The following DLC1 variants were observed in gnomAD, a reference collection of about 807,000 sequenced individuals.
DLC1 encodes the protein rho GTPase-activating protein 7.
DLC1 carries 54 observed loss-of-function variants against 140.3 expected under a neutral mutation model. The observed-to-expected ratio is 0.38, with a 90% CI of 0.31 to 0.48. DLC1 has a LOEUF of 0.48. DLC1 is among the 20% of genes least tolerant of loss of function. The pLI is 0.96. For missense variants in DLC1, 2,536 were observed against 1,907.0 expected, an observed-to-expected ratio of 1.33 and a Z score of -6.14; for synonymous variants, 986 against 728.1, an observed-to-expected ratio of 1.35 and a Z score of -5.70.
chr8:13,233,697 T>C (rs531338387), intron 5 of DLC1, among the ~76,000 whole-genome samples: 3 of 152,222 alleles, frequency 2.0e-5, no homozygotes. Context: ...TTTAAACACA[T>C]GAATGAAAGT....
chr8:13,419,425 G>T (rs182102544), intron 2 of DLC1, among the ~76,000 whole-genome samples: 4 of 152,226 alleles, frequency 2.6e-5, no homozygotes, highest in Non-Finnish European at 5.9e-5. Context: ...TTAGCATGAA[G>T]GTTGTTGAAT....
intron 6 of DLC1, among the ~76,000 whole-genome samples, chr8:13,112,880 T>C (rs1348572233): frequency 2.0e-5 from 3 of 152,094 alleles, no homozygotes; most frequent in African/African-American, 7.2e-5. Context: ...CAAGATGAAA[T>C]AACAGAGCTG....
chr8:13,534,431 T>C (rs1803202033), intron 1 of DLC1, among the ~76,000 whole-genome samples: 1 of 152,198 alleles, frequency 6.6e-6, no homozygotes, highest in African/African-American at 2.4e-5. Flanking sequence ...TTTGGGTTTT[T>C]CAAGTTATAT....
chr8:13,416,736 G>T lies in DLC1; in HGVS notation c.1024-15117C>A, dbSNP rs150666543. Among the ~76,000 whole-genome samples the T allele has an allele frequency of 2.6e-5, 4 of 152,258 alleles. No homozygotes were observed. The East Asian group carries it at 7.7e-4, about 29-fold the overall frequency. ...TTCTAGTATAGTGAATACCTGATTA[G>T]AACAATTAATTACTTAAATGTAGAT... On this transcript the variant is annotated intron_variant, in intron 2 of 17. Transcript: ENST00000276297.
chr8:13,091,198 T>G, intron 14 of DLC1, 120 bp downstream of exon 14: 1 of 789,704 alleles, frequency 1.3e-6, no homozygotes, highest in East Asian at 2.6e-5. Flanking sequence ...CTCAGGCTAT[T>G]TATACCGTCT....
intron 5 of DLC1, among the ~76,000 whole-genome samples, chr8:13,148,889 T>C (rs1290276901): frequency 6.6e-6 from 1 of 152,070 alleles, no homozygotes; most frequent in Non-Finnish European, 1.5e-5. Flanking sequence ...GCCTCCCAGG[T>C]TCACACCATT....
intron 1 of DLC1, among the ~76,000 whole-genome samples, chr8:13,571,361 C>T (rs1804647464): frequency 1.3e-5 from 2 of 152,146 alleles, no homozygotes; most frequent in African/African-American, 4.8e-5. Flanking sequence ...TCAGCAATAA[C>T]TCCCCATTCT....
intron 5 of DLC1, among the ~76,000 whole-genome samples, chr8:13,215,417 C>T (rs1828146994): frequency 6.6e-6 from 1 of 152,192 alleles, no homozygotes; most frequent in Non-Finnish European, 1.5e-5. Flanking sequence ...GAAACCCCAT[C>T]TCTACTAAAA....
chr8:13,417,958 T>C (rs1033538562), intron 2 of DLC1, among the ~76,000 whole-genome samples: 8 of 152,250 alleles, frequency 5.3e-5, no homozygotes, highest in Non-Finnish European at 1.2e-4. Flanking sequence ...ATTTCTCTGA[T>C]GGCCAGTGAT....
chr8:13,213,997 C>G (rs1482434740), intron 5 of DLC1, among the ~76,000 whole-genome samples: 1 of 151,970 alleles, frequency 6.6e-6, no homozygotes, highest in Non-Finnish European at 1.5e-5. Context: ...TTGGCCAGGC[C>G]GCTCTCGAAC....
intron 10 of DLC1, 24 bp downstream of exon 10, chr8:13,098,375 T>G: frequency 1.2e-6 from 2 of 1,612,838 alleles, no homozygotes; most frequent in Non-Finnish European, 1.7e-6. Flanking sequence ...TCAACGACAG[T>G]TGACTGATCA....
rs751374855 is a variant in DLC1, at chr8:13,099,984, A to C, written c.2353T>G (p.Ser785Ala). ...TGCTCCACCACGTTGTTAAATGTTGACTGATTGAAAGGATCGAAGCCCTCT... is the reference window on the plus strand; with the variant it reads ...TGCTCCACCACGTTGTTAAATGTTGCCTGATTGAAAGGATCGAAGCCCTCT... ...YLEGFDPFNQSTFNNVVEQNF... is the reference protein window; with the variant it reads ...YLEGFDPFNQATFNNVVEQNF... Residue 785 changes from serine (S) to alanine (A), a missense_variant, in exon 9 of 18, where the codon TCA (serine) becomes GCA (alanine). Coordinates refer to ENST00000276297, the MANE Select transcript of DLC1 (RefSeq NM_182643.3). The C allele has an allele frequency of 1.1e-5, 17 of 1,612,498 alleles. No individual in the cohort carries two copies. Among genetic ancestry groups the C allele is most frequent in the Admixed American group, 1.0e-4 (6 of 60,000 alleles).
At chr8:13,388,400 C>A (rs1478989541) in intron 4 of DLC1, among the ~76,000 whole-genome samples, 1 of 151,996 alleles carries the variant, frequency 6.6e-6, no homozygotes, top group Non-Finnish European at 1.5e-5. Flanking sequence ...AAACTCCTAT[C>A]CCAGACACAA....
At chr8:13,178,651 GT>G (rs35235319) in intron 5 of DLC1, among the ~76,000 whole-genome samples, 16,846 of 145,194 alleles carry the variant, frequency 0.12, 2,057 homozygotes, top group African/African-American at 0.31. Flanking sequence ...GTGGAAGAAG[GT>G]TTTTTTTTTT....
At chr8:13,603,630 G>C (rs1353279795) in intron 1 of DLC1, among the ~76,000 whole-genome samples, 1 of 151,962 alleles carries the variant, frequency 6.6e-6, no homozygotes, top group Non-Finnish European at 1.5e-5. Context: ...AATCTCCCCA[G>C]TATAAACGTT....
At chr8:13,286,226 A>G (rs943845716) in intron 5 of DLC1, among the ~76,000 whole-genome samples, 20 of 152,284 alleles carry the variant, frequency 1.3e-4, no homozygotes, top group African/African-American at 2.2e-4. Flanking sequence ...AGAATCCTCA[A>G]TCTCTGAAAA....
At position 13,499,680 on chromosome 8, in the gene DLC1, T is replaced by C; in HGVS notation, c.392A>G (p.Gln131Arg). Residue 131 changes from glutamine to arginine, a missense_variant, in exon 2 of 18, where the codon CAA becomes CGA. Gln to Arg is a conservative substitution (Grantham distance 43). Coordinates refer to ENST00000276297, the MANE Select transcript of DLC1 (RefSeq NM_182643.3). ...LTDDKQVLNT[Q>R]GQKTSGQHMI... ...ATGTTGGCCTGATGTTTTCTGCCCTTGGGTATTTAAAACCTGTTTATCATC... is the reference window on the plus strand; with the variant it reads ...ATGTTGGCCTGATGTTTTCTGCCCTCGGGTATTTAAAACCTGTTTATCATC... 6.2e-7 allele frequency: 1 copy of C among 1,614,212 alleles called. No homozygotes were observed. The highest frequency in any genetic ancestry group is 8.5e-7 in the Non-Finnish European group (1 of 1,180,024).
At chr8:13,219,266 TATA>T (rs1243987062) in intron 5 of DLC1, among the ~76,000 whole-genome samples, 14 of 138,440 alleles carry the variant, frequency 1.0e-4, no homozygotes, top group Middle Eastern at 6.1e-3. Flanking sequence ...AATATAACTA[TATA>T]ATTATAATAT....
At chr8:13,280,854 G>A (rs1831341216) in intron 5 of DLC1, among the ~76,000 whole-genome samples, 1 of 152,214 alleles carries the variant, frequency 6.6e-6, no homozygotes, top group Non-Finnish European at 1.5e-5. Context: ...TTGGATCTGG[G>A]TCTTTGGCAT....
Sources: allele counts gnomAD v4.1 joint callset (sites outside exome capture counted in the v4.1 genomes callset), GRCh38; gene constraint gnomAD v4.1.1; transcripts MANE v1.5; gene names NCBI Gene and HGNC (gene_info 2026-07-23, HGNC 2026-07-21).